The following MR1 variants were observed in gnomAD, a reference collection of about 807,000 sequenced individuals.
MR1 encodes the protein major histocompatibility complex, class I-related.
Under a neutral mutation model 37.8 loss-of-function variants are expected in MR1, and 44 were observed. The observed-to-expected ratio is 1.16, with a 90% CI of 0.91 to 1.50. The LOEUF is 1.50. MR1 is among the 40% of genes most tolerant of loss of function. The probability of loss-of-function intolerance (pLI) is 0.00; values close to 1 mark genes in which losing one functional copy is unlikely to be tolerated. For missense variants in MR1, 386 were observed against 419.1 expected, an observed-to-expected ratio of 0.92 and a Z score of 0.69; for synonymous variants, 153 against 155.8, an observed-to-expected ratio of 0.98 and a Z score of 0.13.
intron 3 of MR1, among the ~76,000 whole-genome samples, chr1:181,051,726 T>A (rs1464822259): frequency 6.6e-6 from 1 of 152,152 alleles, no homozygotes; most frequent in Non-Finnish European, 1.5e-5. Context: ...CTACTACATA[T>A]GTTTGTACCT....
chr1:181,044,209 C>T (rs1460058748), intron 1 of MR1, among the ~76,000 whole-genome samples: 2 of 152,052 alleles, frequency 1.3e-5, no homozygotes, highest in South Asian at 4.2e-4. Context: ...ATGATCCGCC[C>T]GCGTCGGCCT....
At chr1:181,034,716 G>A (rs190635784) in intron 1 of MR1, among the ~76,000 whole-genome samples, 1 of 152,266 alleles carries the variant, frequency 6.6e-6, no homozygotes, top group Non-Finnish European at 1.5e-5. Context: ...CTGGGCTGAG[G>A]ACTGGTACTG....
At chr1:181,035,433 A>T (rs1406800821) in intron 1 of MR1, among the ~76,000 whole-genome samples, 1 of 152,144 alleles carries the variant, frequency 6.6e-6, no homozygotes, top group Non-Finnish European at 1.5e-5. Flanking sequence ...CAAGACAAAC[A>T]TAGTCTCTGC....
Position 181,052,359 on chromosome 1 carries a change from T to C in MR1, c.729T>C (p.Ile243=), listed in dbSNP as rs1382758708. The C allele has an allele frequency of 1.9e-6, 3 of 1,614,038 alleles. No homozygotes were observed. In the African/African-American group the frequency reaches 4.0e-5, roughly 22 times the overall value. Residue 243 remains isoleucine (I), a synonymous_variant, in exon 4 of 6, where the codon ATT becomes ATC. Coordinates refer to ENST00000367580, the MANE Select transcript of MR1 (RefSeq NM_001385161.1). Reference sequence around the variant, plus strand: ...CATGGATGAAAAACGGGGAAGAAATTGTCCAAGAAATTGATTATGGAGACA... The same window carrying C: ...CATGGATGAAAAACGGGGAAGAAATCGTCCAAGAAATTGATTATGGAGACA... ...YMTWMKNGEE[I]VQEIDYGDIL...
chr1:181,047,474 C>G (rs893867300), intron 1 of MR1, among the ~76,000 whole-genome samples: 8 of 152,164 alleles, frequency 5.3e-5, no homozygotes, highest in African/African-American at 1.4e-4. Flanking sequence ...TGGCACATAC[C>G]TGTAATCTCA....
At chr1:181,034,111 AGTCGAG>A (rs1393986271) in intron 1 of MR1, 37 bp downstream of exon 1, 1 of 1,590,270 alleles carries the variant, frequency 6.3e-7, no homozygotes, top group South Asian at 1.1e-5. Flanking sequence ...CTAACTCCAA[AGTCGAG>A]GCAGCCTAGA....
chr1:181,055,285 A>G lies in MR1; in HGVS notation c.*20A>G. On this transcript the variant is annotated 3_prime_UTR_variant, in exon 6 of 6. Coordinates refer to ENST00000367580, the MANE Select transcript of MR1 (RefSeq NM_001385161.1). The stretch of plus-strand genomic sequence containing the variant: ...CGATGATTGCAGATCCCTCTTTTCC[A>G]GTTCTCCTTCCTCTAGGAGCCATGT... 1 of 1,606,758 alleles carries G rather than the reference A, an allele frequency of 6.2e-7. No individual in the cohort carries two copies. Among genetic ancestry groups the G allele is most frequent in the Non-Finnish European group, 8.5e-7 (1 of 1,173,512 alleles).
At chr1:181,041,920 G>C (rs1259465486) in intron 1 of MR1, among the ~76,000 whole-genome samples, 1 of 152,144 alleles carries the variant, frequency 6.6e-6, no homozygotes, top group African/African-American at 2.4e-5. Flanking sequence ...TGTTTGGTCT[G>C]GTACAAGCTT....
intron 1 of MR1, chr1:181,037,203 G>T (rs1356601358): frequency 2.0e-5 from 3 of 152,186 alleles, no homozygotes; most frequent in Non-Finnish European, 4.4e-5. Flanking sequence ...TCACAGGCGA[G>T]GTCTGATGAT....
intron 1 of MR1, 145 bp from the exon 2 acceptor site, chr1:181,048,906 TG>T: frequency 9.7e-7 from 1 of 1,025,766 alleles, no homozygotes; most frequent in Non-Finnish European, 1.4e-6. Flanking sequence ...CTGGGTTCTG[TG>T]GTTCTGTAAG....
chr1:181,033,790 C>T (rs79217082), upstream of MR1: 256 of 475,344 alleles, frequency 5.4e-4, no homozygotes, highest in African/African-American at 4.7e-3. Flanking sequence ...AAGATAGATA[C>T]ACCAAAAGGA....
At chr1:181,046,678 C>A (rs113782961) in intron 1 of MR1, among the ~76,000 whole-genome samples, 34 of 152,238 alleles carry the variant, frequency 2.2e-4, no homozygotes, top group African/African-American at 7.9e-4. Flanking sequence ...GGGTCCGCTT[C>A]CACACTGTGG....
chr1:181,051,964 A>C (rs1039131306), intron 3 of MR1, among the ~76,000 whole-genome samples: 4 of 152,232 alleles, frequency 2.6e-5, no homozygotes, highest in African/African-American at 9.6e-5. Context: ...AAACAACCCC[A>C]GCACACTTTC....
At chr1:181,053,820 C>G (rs1658461678) in intron 5 of MR1, 143 bp downstream of exon 5, 1 of 631,566 alleles carries the variant, frequency 1.6e-6, no homozygotes, top group South Asian at 2.0e-5. Context: ...TGGGACAACC[C>G]TCCCACCATG....
chr1:181,049,388 A>G, intron 2 of MR1, 76 bp downstream of exon 2: 1 of 1,499,024 alleles, frequency 6.7e-7, no homozygotes, highest in Non-Finnish European at 8.9e-7. Flanking sequence ...GCCTCCAATA[A>G]GCGGATGCTG....
At chr1:181,046,068 G>T (rs557844161) in intron 1 of MR1, among the ~76,000 whole-genome samples, 1 of 152,224 alleles carries the variant, frequency 6.6e-6, no homozygotes, top group Non-Finnish European at 1.5e-5. Context: ...GCCTTCCTGC[G>T]GGGCAGGGCT....
chr1:181,051,021 A>G (rs1458399073), intron 3 of MR1: 1 of 152,194 alleles, frequency 6.6e-6, no homozygotes, highest in East Asian at 1.9e-4. Flanking sequence ...CTTTCAGCAA[A>G]GAGCTCCTCT....
At chr1:181,038,906 C>T (rs375131885) in intron 1 of MR1, among the ~76,000 whole-genome samples, 3 of 152,248 alleles carry the variant, frequency 2.0e-5, no homozygotes, top group South Asian at 2.1e-4. Context: ...TGGGTTCAAG[C>T]GATTCTCCTG....
chr1:181,049,470 T>A, intron 2 of MR1, 158 bp downstream of exon 2: 1 of 846,884 alleles, frequency 1.2e-6, no homozygotes, highest in Non-Finnish European at 1.8e-6. Context: ...CCCATCTGCC[T>A]GTGCATCTTC....
Sources: allele counts gnomAD v4.1 joint callset (sites outside exome capture counted in the v4.1 genomes callset), GRCh38; gene constraint gnomAD v4.1.1; transcripts MANE v1.5; gene names NCBI Gene and HGNC (gene_info 2026-07-23, HGNC 2026-07-21).